The following NTN1 variants were observed in gnomAD, a reference collection of about 807,000 sequenced individuals.
NTN1 encodes the protein netrin 1.
NTN1 carries 11 observed loss-of-function variants against 54.2 expected under a neutral mutation model. The observed-to-expected ratio is 0.20, with a 90% CI of 0.13 to 0.34. The LOEUF is 0.34. Among genes scored for constraint, NTN1 ranks in the 10% least tolerant of loss-of-function variants. The pLI, the probability that NTN1 is intolerant of heterozygous loss-of-function variation, is 1.00. For synonymous variants in NTN1, 371 were observed against 382.0 expected (o/e 0.97, Z 0.33); for missense variants, 740 against 893.1 (o/e 0.83, Z 2.18).
intron 2 of NTN1, among the ~76,000 whole-genome samples, chr17:9,027,624 C>T (rs975356266): frequency 6.6e-6 from 1 of 152,192 alleles, no homozygotes; most frequent in African/African-American, 2.4e-5. Flanking sequence ...GCGTGGTTCC[C>T]TGGTTGTGTT....
the NTN1 span, among the ~76,000 whole-genome samples, chr17:9,009,032 C>T: frequency 6.6e-6 from 1 of 152,156 alleles, no homozygotes; most frequent in Non-Finnish European, 1.5e-5. Context: ...CAGAGTAAGA[C>T]TCCATCTCAA....
chr17:9,198,046 CG>C (rs1904684554), intron 5 of NTN1, among the ~76,000 whole-genome samples: 1 of 152,152 alleles, frequency 6.6e-6, no homozygotes, highest in African/African-American at 2.4e-5. Flanking sequence ...CCCAGGTTAT[CG>C]GGGCCCTGCT....
At chr17:9,071,384 A>G (rs368955645) in intron 2 of NTN1, among the ~76,000 whole-genome samples, 19 of 152,212 alleles carry the variant, frequency 1.2e-4, no homozygotes, top group African/African-American at 1.4e-4. Context: ...TTCTAATACA[A>G]TGATATCGTT....
intron 2 of NTN1, among the ~76,000 whole-genome samples, chr17:9,074,873 A>G (rs546295619): frequency 1.2e-4 from 18 of 152,324 alleles, no homozygotes; most frequent in South Asian, 4.1e-4. Context: ...AGTCTCAGGA[A>G]TGTGTTGGGC....
At chr17:9,068,700 G>T (rs886244371) in intron 2 of NTN1, among the ~76,000 whole-genome samples, 1 of 151,910 alleles carries the variant, frequency 6.6e-6, no homozygotes, top group Admixed American at 6.6e-5. Flanking sequence ...TAGAGACGAG[G>T]TTTCTCCATG....
intron 2 of NTN1, among the ~76,000 whole-genome samples, chr17:9,023,746 C>G (rs148622938): frequency 1.1e-4 from 16 of 152,342 alleles, no homozygotes; most frequent in African/African-American, 3.1e-4. Flanking sequence ...TCACCTGCAC[C>G]CACCCCCCTT....
rs1555577270 is a variant in NTN1, at chr17:9,215,266, C to CACAA, written c.1412-5899_1412-5898insAACA. Among the ~76,000 whole-genome samples the CACAA allele has an allele frequency of 3.4e-3, 503 of 147,190 alleles. 4 individuals are homozygous for CACAA. The highest frequency in any genetic ancestry group is 0.012 in the African/African-American group (471 of 40,916). ...CTAGATAGATACACACACACACACA[C>CACAA]ACACACACACACACACACACACATA... On this transcript the variant is annotated intron_variant, in intron 5 of 6. Transcript: ENST00000173229.
At position 9,179,790 on chromosome 17, in the gene NTN1, T is replaced by A; in HGVS notation, c.1208-17T>A. The A allele has an allele frequency of 6.2e-7, 1 of 1,611,216 alleles. No individual in the cohort carries two copies. Among genetic ancestry groups the A allele is most frequent in the Non-Finnish European group, 8.5e-7 (1 of 1,178,664 alleles). On this transcript the variant is annotated splice_polypyrimidine_tract_variant and intron_variant, in intron 3 of 6. Transcript: ENST00000173229. Reference sequence around the variant, plus strand: ...GCTTCCCCCTTGTCTGACCCTCCCATTTTGTGTTCTCTGCAGCCTGTGATT... The same window carrying A: ...GCTTCCCCCTTGTCTGACCCTCCCAATTTGTGTTCTCTGCAGCCTGTGATT...
chr17:9,057,444 T>G (rs529341814), intron 2 of NTN1, among the ~76,000 whole-genome samples: 1 of 152,180 alleles, frequency 6.6e-6, no homozygotes, highest in Non-Finnish European at 1.5e-5. Context: ...CTATATTGTT[T>G]GCTTTCTGCT....
intron 2 of NTN1, among the ~76,000 whole-genome samples, chr17:9,047,938 CA>C (rs1471771418): frequency 6.6e-6 from 1 of 152,040 alleles, no homozygotes; most frequent in Non-Finnish European, 1.5e-5. Context: ...TCAGGTGATC[CA>C]CCCGCCTCGG....
chr17:9,082,233 G>A (rs535681993), intron 2 of NTN1, among the ~76,000 whole-genome samples: 3 of 152,046 alleles, frequency 2.0e-5, no homozygotes. Flanking sequence ...CTAATTTTTT[G>A]TATTTTTAAT....
chr17:9,103,913 C>T (rs2092157847), intron 2 of NTN1, among the ~76,000 whole-genome samples: 1 of 151,696 alleles, frequency 6.6e-6, no homozygotes, highest in African/African-American at 2.4e-5. Flanking sequence ...TGGCGAAACT[C>T]CATCTCTACT....
chr17:9,180,193 C>T (rs955580306), intron 4 of NTN1, among the ~76,000 whole-genome samples: 1 of 152,280 alleles, frequency 6.6e-6, no homozygotes, highest in African/African-American at 2.4e-5. Context: ...CGCAAGCCTT[C>T]ATGCCCCGCT....
intron 3 of NTN1, among the ~76,000 whole-genome samples, chr17:9,166,074 G>A (rs1264887181): frequency 2.0e-5 from 3 of 151,928 alleles, no homozygotes; most frequent in Non-Finnish European, 4.4e-5. Context: ...AGGAACCATC[G>A]TTAGGAGAAG....
intron 6 of NTN1, among the ~76,000 whole-genome samples, chr17:9,228,968 GTTTACGAC>G (rs1291226906): frequency 2.6e-5 from 4 of 151,856 alleles, no homozygotes; most frequent in Non-Finnish European, 4.4e-5. Flanking sequence ...GTGTGATTGT[GTTTACGAC>G]TGAGACTGTG....
intron 5 of NTN1, among the ~76,000 whole-genome samples, chr17:9,193,828 A>C (rs1904534587): frequency 6.7e-6 from 1 of 149,864 alleles, no homozygotes; most frequent in Admixed American, 6.7e-5. Flanking sequence ...AGGCTGAGGC[A>C]GGAGAATCAC....
chr17:9,038,462 C>A (rs377001751), intron 2 of NTN1, among the ~76,000 whole-genome samples: 8 of 152,224 alleles, frequency 5.3e-5, no homozygotes, highest in African/African-American at 1.7e-4. Context: ...CTTTTATTCA[C>A]AGGGGGCCTG....
rs376865303 is a variant in NTN1, at chr17:9,189,682, TA to T, written c.1411+6724del. Among the ~76,000 whole-genome samples, 66 of 147,566 alleles carry T rather than the reference TA, an allele frequency of 4.5e-4. No individual in the cohort carries two copies. The South Asian group carries it at 5.3e-3, about 12-fold the overall frequency. On this transcript the variant is annotated intron_variant, in intron 5 of 6. Transcript: ENST00000173229. Reference sequence around the variant, plus strand: ...TGTTGTTTGGTCAATTTTAGATAATTAAAAAAAAAAATCCTATGTAGTAACA... The same window carrying T: ...TGTTGTTTGGTCAATTTTAGATAATTAAAAAAAAAATCCTATGTAGTAACA...
At chr17:9,151,402 T>C (rs2092327299) in intron 2 of NTN1, among the ~76,000 whole-genome samples, 1 of 152,194 alleles carries the variant, frequency 6.6e-6, no homozygotes, top group African/African-American at 2.4e-5. Flanking sequence ...ATCTAAAGCC[T>C]GTCTTTGGCA....
Sources: allele counts gnomAD v4.1 joint callset (sites outside exome capture counted in the v4.1 genomes callset), GRCh38; gene constraint gnomAD v4.1.1; transcripts MANE v1.5; gene names NCBI Gene and HGNC (gene_info 2026-07-23, HGNC 2026-07-21).